AMBRA1: variants seen among roughly 807,000 people sequenced by gnomAD.
The protein encoded by AMBRA1 is activating molecule in BECN1-regulated autophagy protein 1.
AMBRA1 carries 47 observed loss-of-function variants against 125.4 expected under a neutral mutation model. That is an observed-to-expected ratio of 0.37 (90% confidence interval 0.30 to 0.48). The LOEUF (loss-of-function observed/expected upper bound fraction) is 0.48, where lower values mean the gene tolerates loss of function less well. Ranked by LOEUF, AMBRA1 falls within the 20% of genes least tolerant of loss-of-function variation. AMBRA1 has a pLI of 0.99. For synonymous variants in AMBRA1, 626 were observed against 655.5 expected, an observed-to-expected ratio of 0.95 and a Z score of 0.69; for missense variants, 1,331 against 1,693.4, an observed-to-expected ratio of 0.79 and a Z score of 3.76.
intron 11 of AMBRA1, among the ~76,000 whole-genome samples, chr11:46,469,578 A>G (rs901720681): frequency 2.0e-5 from 3 of 152,226 alleles, no homozygotes; most frequent in African/African-American, 7.2e-5. Context: ...TGTACAATGA[A>G]AATACTATAA....
chr11:46,536,478 G>C (rs1009299891), intron 7 of AMBRA1, among the ~76,000 whole-genome samples: 1 of 152,168 alleles, frequency 6.6e-6, no homozygotes, highest in Non-Finnish European at 1.5e-5. Context: ...AACTGGGAGA[G>C]ATTAGATATC....
chr11:46,457,424 A>G (rs1318341363), intron 11 of AMBRA1, among the ~76,000 whole-genome samples: 1 of 152,204 alleles, frequency 6.6e-6, no homozygotes, highest in Non-Finnish European at 1.5e-5. Flanking sequence ...GGGGGGAAAA[A>G]TTTAACGGTT....
At chr11:46,470,588 C>CAA (rs766521795) in intron 11 of AMBRA1, among the ~76,000 whole-genome samples, 2,834 of 52,890 alleles carry the variant, frequency 0.054, 268 homozygotes, top group African/African-American at 0.18. Flanking sequence ...GACTCCGTCT[C>CAA]AAAAAAAAAA....
intron 16 of AMBRA1, 46 bp downstream of exon 16, chr11:46,410,230 G>T (rs1432634822): frequency 1.3e-6 from 2 of 1,586,106 alleles, no homozygotes; most frequent in Non-Finnish European, 1.7e-6. Context: ...CAGGAGGAAG[G>T]GATGGGCCTC....
intron 1 of AMBRA1, among the ~76,000 whole-genome samples, chr11:46,582,221 T>C (rs969143513): frequency 1.3e-5 from 2 of 152,002 alleles, no homozygotes; most frequent in Admixed American, 6.6e-5. Context: ...ATTCCAACCA[T>C]ATCAACCTTC....
intron 11 of AMBRA1, among the ~76,000 whole-genome samples, chr11:46,452,481 C>A (rs1028937429): frequency 3.9e-5 from 6 of 152,110 alleles, no homozygotes; most frequent in African/African-American, 1.4e-4. Flanking sequence ...CCCTACCTAG[C>A]TTTGGTTACT....
At chr11:46,538,110 T>G (rs1952563151) in intron 7 of AMBRA1, among the ~76,000 whole-genome samples, 1 of 152,190 alleles carries the variant, frequency 6.6e-6, no homozygotes. Context: ...AGCACCTGTT[T>G]GTCTTAGTGA....
At position 46,593,959 on chromosome 11, in the gene AMBRA1, G is replaced by C. The variant is rs2044697884; in HGVS notation, c.-252C>G. On this transcript the variant is annotated 5_prime_UTR_variant, in exon 1 of 18. Transcript: ENST00000683756. ...GCAGGAGAAGGCGGCTTGAGCGCGGGGCCTCGCGGACAACTCAGCCCTCGA... is the reference window on the plus strand; with the variant it reads ...GCAGGAGAAGGCGGCTTGAGCGCGGCGCCTCGCGGACAACTCAGCCCTCGA... 1 of 398,540 alleles carries C rather than the reference G, an allele frequency of 2.5e-6. No individual in the cohort carries two copies. Among genetic ancestry groups the C allele is most frequent in the Non-Finnish European group, 4.4e-6 (1 of 226,110 alleles). The allele number at this position is 398,540 out of a possible 1,614,324, so 24.7% of individuals were successfully genotyped here. A position where few individuals can be genotyped will look rare whatever the true frequency, so the allele number is the denominator to read the frequency against.
At chr11:46,489,775 GCTT>G (rs1284551248) in intron 11 of AMBRA1, among the ~76,000 whole-genome samples, 14 of 152,272 alleles carry the variant, frequency 9.2e-5, no homozygotes, top group Admixed American at 2.0e-4. Flanking sequence ...CAAATGCCAA[GCTT>G]CTTATTTCAC....
At chr11:46,469,112 C>A (rs1949463572) in intron 11 of AMBRA1, among the ~76,000 whole-genome samples, 2 of 152,142 alleles carry the variant, frequency 1.3e-5, no homozygotes, top group Admixed American at 1.3e-4. Flanking sequence ...CACTGAACTC[C>A]AGCCTGCGTG....
At chr11:46,472,129 T>C (rs1949623447) in intron 11 of AMBRA1, among the ~76,000 whole-genome samples, 1 of 152,218 alleles carries the variant, frequency 6.6e-6, no homozygotes, top group Non-Finnish European at 1.5e-5. Context: ...TCTGTGCAAA[T>C]CCTGGACAAG....
intron 7 of AMBRA1, among the ~76,000 whole-genome samples, chr11:46,525,554 C>G (rs1163808794): frequency 1.3e-5 from 2 of 152,156 alleles, no homozygotes; most frequent in Non-Finnish European, 2.9e-5. Flanking sequence ...AGTTCGAGAC[C>G]AGCCTGACCA....
At chr11:46,467,428 T>C (rs1054921249) in intron 11 of AMBRA1, among the ~76,000 whole-genome samples, 2 of 152,228 alleles carry the variant, frequency 1.3e-5, no homozygotes, top group Non-Finnish European at 2.9e-5. Context: ...TGCAATTTTG[T>C]TTCTTCTAGA....
chr11:46,513,878 A>G (rs1380863829), intron 7 of AMBRA1, among the ~76,000 whole-genome samples: 1 of 151,314 alleles, frequency 6.6e-6, no homozygotes, highest in Non-Finnish European at 1.5e-5. Context: ...AATTTTAGCT[A>G]CAACTTTTTT....
intron 1 of AMBRA1, among the ~76,000 whole-genome samples, chr11:46,550,529 T>G (rs1161644163): frequency 6.6e-6 from 1 of 152,202 alleles, no homozygotes; most frequent in Non-Finnish European, 1.5e-5. Context: ...CTTAATGGGT[T>G]AGCATTCATT....
intron 11 of AMBRA1, among the ~76,000 whole-genome samples, chr11:46,452,939 A>T (rs1948684924): frequency 6.6e-6 from 1 of 152,196 alleles, no homozygotes; most frequent in South Asian, 2.1e-4. Flanking sequence ...ATAACTTACA[A>T]TTCACCTATT....
chr11:46,414,290 C>T (rs576348789), intron 15 of AMBRA1, among the ~76,000 whole-genome samples: 3 of 152,302 alleles, frequency 2.0e-5, no homozygotes, highest in Non-Finnish European at 2.9e-5. Context: ...CTTAGAGCCT[C>T]GCCTGAAAGA....
chr11:46,452,458 C>T (rs1300492318), intron 11 of AMBRA1, among the ~76,000 whole-genome samples: 1 of 152,122 alleles, frequency 6.6e-6, no homozygotes, highest in Non-Finnish European at 1.5e-5. Context: ...ACTAGGACAA[C>T]AGGCACATGC....
intron 1 of AMBRA1, among the ~76,000 whole-genome samples, chr11:46,569,916 G>T (rs917191933): frequency 2.0e-5 from 3 of 151,938 alleles, no homozygotes; most frequent in East Asian, 3.9e-4. Flanking sequence ...AGCCAAGATC[G>T]CACCACTGCA....
Sources: gnomAD v4.1 joint callset for allele counts (sites outside exome capture counted in the v4.1 genomes callset) on GRCh38, gnomAD v4.1.1 for gene constraint, MANE v1.5 for transcripts, NCBI Gene and HGNC (gene_info 2026-07-23, HGNC 2026-07-21) for gene names.